The following HSDL2 variants were observed in gnomAD, a reference collection of about 807,000 sequenced individuals.
The protein encoded by HSDL2 is hydroxysteroid dehydrogenase-like protein 2.
Under a neutral mutation model 46.3 loss-of-function variants are expected in HSDL2, and 27 were observed. The ratio of observed to expected loss-of-function variants is 0.58; its 90% confidence interval spans 0.43 to 0.80. The LOEUF (loss-of-function observed/expected upper bound fraction) is 0.80. HSDL2 is among the 30% of genes least tolerant of loss of function. The pLI, the probability that HSDL2 is intolerant of heterozygous loss-of-function variation, is 0.00. For missense variants in HSDL2, 451 were observed against 502.7 expected (o/e 0.90, Z 0.98); for synonymous variants, 153 against 163.6 (o/e 0.94, Z 0.50).
chr9:112,405,644 G>A lies in HSDL2; in HGVS notation c.202G>A (p.Ala68Thr). The part of the protein sequence containing the change: ...AEEIEAVGGK[A>T]LPCIVDVRDE... ...ATAAGTTGAAGCAGTTGGAGGAAAGGCCTTGCCATGTATTGTTGATGTGAG... is the reference window on the plus strand; with the variant it reads ...ATAAGTTGAAGCAGTTGGAGGAAAGACCTTGCCATGTATTGTTGATGTGAG... The change falls in exon 3 of 11, where the codon GCC becomes ACC. Residue 68 changes from alanine to threonine, a missense_variant. Transcript: ENST00000398805. The A allele has an allele frequency of 6.2e-7, 1 of 1,612,152 alleles. No homozygotes were observed. Among genetic ancestry groups the A allele is most frequent in the African/African-American group, 1.3e-5 (1 of 74,978 alleles).
chr9:112,391,763 G>T (rs1172968085), intron 1 of HSDL2, among the ~76,000 whole-genome samples: 1 of 151,788 alleles, frequency 6.6e-6, no homozygotes. Context: ...AAATCAGCTG[G>T]GTGTAGTGGC....
chr9:112,470,579 C>A lies in HSDL2; in HGVS notation c.*35C>A. The A allele has an allele frequency of 3.4e-6, 4 of 1,191,092 alleles. No individual in the cohort carries two copies. The highest frequency in any genetic ancestry group is 2.8e-5 in the South Asian group (2 of 72,392). 73.8% of individuals were successfully genotyped at this position (1,191,092 alleles called of 1,614,324 possible). A position where few individuals can be genotyped will look rare whatever the true frequency, so the allele number is the denominator to read the frequency against. On this transcript the variant is annotated 3_prime_UTR_variant, in exon 11 of 11. Coordinates refer to ENST00000398805, the MANE Select transcript of HSDL2 (RefSeq NM_032303.5). Reference sequence around the variant, plus strand: ...TAAAAAAAAAGTCGACTGCTATGCTCAAAAAGTAAAAAAAGCTCAACAGTT... The same window carrying A: ...TAAAAAAAAAGTCGACTGCTATGCTAAAAAAGTAAAAAAAGCTCAACAGTT...
intron 1 of HSDL2, among the ~76,000 whole-genome samples, chr9:112,388,512 C>A (rs1831268331): frequency 6.7e-6 from 1 of 150,268 alleles, no homozygotes; most frequent in South Asian, 2.1e-4. Context: ...CACCTGTAAT[C>A]CTAGCACTTT....
chr9:112,431,303 A>C (rs1332145916), intron 6 of HSDL2, among the ~76,000 whole-genome samples: 1 of 152,178 alleles, frequency 6.6e-6, no homozygotes, highest in African/African-American at 2.4e-5. Context: ...ATCAGCATAT[A>C]GAACATATAA....
At chr9:112,405,572 G>T (rs989006090) in intron 2 of HSDL2, 52 bp from the exon 3 acceptor site, 19 of 1,242,446 alleles carry the variant, frequency 1.5e-5, no homozygotes, top group Non-Finnish European at 2.1e-5. Context: ...GGAATTAAAG[G>T]TATAATATTT....
intron 1 of HSDL2, among the ~76,000 whole-genome samples, chr9:112,385,942 T>A (rs1281468951): frequency 6.8e-6 from 1 of 146,486 alleles, no homozygotes; most frequent in Non-Finnish European, 1.5e-5. Flanking sequence ...TTTAATTTAA[T>A]TTTTTTTTTT....
chr9:112,416,889 C>T lies in HSDL2; in HGVS notation c.444C>T (p.Ile148=). 6.2e-7 allele frequency: 1 copy of T among 1,607,004 alleles called. No individual in the cohort carries two copies. The highest frequency in any genetic ancestry group is 8.5e-7 in the Non-Finnish European group (1 of 1,173,830). ...PYLKKSKVAH[I]LNISPPLNLN... ...TGAAAAAGAGCAAAGTTGCTCATAT[C>T]CTCAATATCAGTCCACCACTGAACC... Residue 148 remains isoleucine (I), a synonymous_variant, in exon 5 of 11, where the codon ATC becomes ATT. Coordinates refer to ENST00000398805, the MANE Select transcript of HSDL2 (RefSeq NM_032303.5).
chr9:112,413,323 A>G (rs962705059), intron 4 of HSDL2, among the ~76,000 whole-genome samples: 14 of 151,744 alleles, frequency 9.2e-5, no homozygotes, highest in African/African-American at 3.4e-4. Flanking sequence ...TACTAAAAAT[A>G]CTAAATTAGC....
chr9:112,468,609 CTCT>C (rs1205876002), intron 10 of HSDL2, among the ~76,000 whole-genome samples: 1 of 151,872 alleles, frequency 6.6e-6, no homozygotes, highest in Non-Finnish European at 1.5e-5. Context: ...CCTTCATCCC[CTCT>C]TCTTCTCCTC....
chr9:112,384,608 C>T (rs556592348), intron 1 of HSDL2, among the ~76,000 whole-genome samples: 5 of 151,734 alleles, frequency 3.3e-5, no homozygotes, highest in South Asian at 2.1e-4. Flanking sequence ...AGGAGGTTGA[C>T]GCTGCCATGA....
chr9:112,448,702 A>T (rs1395384425), intron 8 of HSDL2, among the ~76,000 whole-genome samples: 2 of 111,058 alleles, frequency 1.8e-5, no homozygotes, highest in African/African-American at 3.6e-5. Context: ...CAGGCTTGCC[A>T]CCCAGCTAAT....
chr9:112,426,952 C>T (rs1392589987), intron 6 of HSDL2, among the ~76,000 whole-genome samples: 1 of 152,174 alleles, frequency 6.6e-6, no homozygotes, highest in African/African-American at 2.4e-5. Context: ...AGCGATTTCA[C>T]CACATGGCCA....
intron 6 of HSDL2, among the ~76,000 whole-genome samples, chr9:112,425,825 T>C (rs1035084635): frequency 1.3e-5 from 2 of 152,188 alleles, no homozygotes; most frequent in Admixed American, 1.3e-4. Context: ...CCTCCTGGGC[T>C]CAAGCCATCT....
intron 7 of HSDL2, among the ~76,000 whole-genome samples, chr9:112,439,322 A>T (rs2132671979): frequency 6.6e-6 from 1 of 152,292 alleles, no homozygotes; most frequent in Admixed American, 6.5e-5. Flanking sequence ...TTTGTTTAAA[A>T]TAATTTATGA....
At chr9:112,417,646 G>T (rs750191638) in intron 5 of HSDL2, among the ~76,000 whole-genome samples, 2 of 152,060 alleles carry the variant, frequency 1.3e-5, no homozygotes, top group Non-Finnish European at 1.5e-5. Context: ...ATTTGGAAAG[G>T]CACTTGGAAT....
At chr9:112,409,659 G>T (rs960860467) in intron 4 of HSDL2, among the ~76,000 whole-genome samples, 1 of 152,016 alleles carries the variant, frequency 6.6e-6, no homozygotes, top group Non-Finnish European at 1.5e-5. Context: ...ATGGCAAGAC[G>T]CTGTCTCTAC....
intron 1 of HSDL2, among the ~76,000 whole-genome samples, chr9:112,387,518 C>T (rs896296211): frequency 6.6e-6 from 1 of 152,166 alleles, no homozygotes; most frequent in Non-Finnish European, 1.5e-5. Flanking sequence ...CCATGCCTAC[C>T]TAGGATTTGT....
intron 7 of HSDL2, among the ~76,000 whole-genome samples, chr9:112,439,897 G>A (rs1293659868): frequency 6.6e-6 from 1 of 152,136 alleles, no homozygotes; most frequent in Non-Finnish European, 1.5e-5. Flanking sequence ...TTTCCATATT[G>A]GTAAACTTAA....
chr9:112,396,998 A>G (rs1456023655), intron 1 of HSDL2, among the ~76,000 whole-genome samples: 1 of 152,200 alleles, frequency 6.6e-6, no homozygotes. Flanking sequence ...TTCTGTGGCA[A>G]GGGATTTCCA....
Sources: allele counts gnomAD v4.1 joint callset (sites outside exome capture counted in the v4.1 genomes callset), GRCh38; gene constraint gnomAD v4.1.1; transcripts MANE v1.5; gene names NCBI Gene and HGNC (gene_info 2026-07-23, HGNC 2026-07-21).